The following TBC1D15 variants were observed in gnomAD, a reference collection of about 807,000 sequenced individuals.
TBC1D15 encodes GAP for RAB7.
TBC1D15 carries 39 observed loss-of-function variants against 95.4 expected under a neutral mutation model. That is an observed-to-expected ratio of 0.41 (90% confidence interval 0.32 to 0.53). The LOEUF (loss-of-function observed/expected upper bound fraction) is 0.53. TBC1D15 is among the 20% of genes least tolerant of loss of function. TBC1D15 has a pLI of 0.29. For missense variants in TBC1D15, 733 were observed against 794.3 expected, an observed-to-expected ratio of 0.92 and a Z score of 0.93; for synonymous variants, 258 against 261.3, an observed-to-expected ratio of 0.99 and a Z score of 0.12.
chr12:71,856,050 C>A (rs545535254), intron 1 of TBC1D15, among the ~76,000 whole-genome samples: 23 of 152,126 alleles, frequency 1.5e-4, no homozygotes, highest in Non-Finnish European at 2.8e-4. Context: ...TCACCCTGCC[C>A]CCATACTGCC....
chr12:71,852,681 C>T (rs1888117817), intron 1 of TBC1D15, among the ~76,000 whole-genome samples: 1 of 152,168 alleles, frequency 6.6e-6, no homozygotes, highest in Admixed American at 6.5e-5. Context: ...TCTCAAGTTC[C>T]AAGTTCCACA....
At chr12:71,856,108 C>T (rs952402242) in intron 1 of TBC1D15, among the ~76,000 whole-genome samples, 14 of 152,130 alleles carry the variant, frequency 9.2e-5, no homozygotes, top group African/African-American at 3.1e-4. Context: ...GAGCAGTTTT[C>T]GTATTCATTG....
chr12:71,844,811 A>G (rs1177108239), intron 1 of TBC1D15, among the ~76,000 whole-genome samples: 3 of 152,186 alleles, frequency 2.0e-5, no homozygotes, highest in African/African-American at 4.8e-5. Context: ...ATTACACTCT[A>G]CTATATACAT....
intron 12 of TBC1D15, among the ~76,000 whole-genome samples, chr12:71,915,973 C>T (rs1351498308): frequency 6.6e-6 from 1 of 151,998 alleles, no homozygotes; most frequent in Non-Finnish European, 1.5e-5. Context: ...TTTGTACTAC[C>T]TTTGTGGTGG....
At chr12:71,903,333 G>A (rs1407388045) in intron 10 of TBC1D15, among the ~76,000 whole-genome samples, 1 of 152,176 alleles carries the variant, frequency 6.6e-6, no homozygotes, top group Non-Finnish European at 1.5e-5. Context: ...TCTCCTACTA[G>A]TCATGATGGC....
chr12:71,868,808 A>G (rs1892046082), intron 1 of TBC1D15: 1 of 152,208 alleles, frequency 6.6e-6, no homozygotes, highest in Non-Finnish European at 1.5e-5. Flanking sequence ...TGTTAATGAT[A>G]GCAAGCTTTT....
intron 4 of TBC1D15, among the ~76,000 whole-genome samples, chr12:71,882,334 C>G (rs1895365306): frequency 6.6e-6 from 1 of 152,140 alleles, no homozygotes; most frequent in African/African-American, 2.4e-5. Flanking sequence ...ATCAGACTGT[C>G]TCATGTTTGT....
chr12:71,873,747 G>C (rs545368532), intron 3 of TBC1D15, among the ~76,000 whole-genome samples: 31 of 152,260 alleles, frequency 2.0e-4, no homozygotes, highest in African/African-American at 7.5e-4. Context: ...TTTAATTTTA[G>C]TAAACCTAGT....
intron 11 of TBC1D15, among the ~76,000 whole-genome samples, chr12:71,908,192 C>T (rs190255675): frequency 6.0e-4 from 91 of 151,824 alleles, no homozygotes; most frequent in African/African-American, 2.1e-3. Context: ...AAAGAACTGA[C>T]GGTGGAAGTA....
At chr12:71,903,620 G>T (rs1485969234) in intron 10 of TBC1D15, among the ~76,000 whole-genome samples, 1 of 152,144 alleles carries the variant, frequency 6.6e-6, no homozygotes, top group Non-Finnish European at 1.5e-5. Context: ...AATCAGCCTA[G>T]ATGCCCATCA....
At chr12:71,898,532 A>G (rs1285179575) in intron 10 of TBC1D15, among the ~76,000 whole-genome samples, 1 of 152,174 alleles carries the variant, frequency 6.6e-6, no homozygotes, top group Non-Finnish European at 1.5e-5. Flanking sequence ...TTAAAGCATT[A>G]GTTGCATTTC....
intron 1 of TBC1D15, among the ~76,000 whole-genome samples, chr12:71,861,919 T>A (rs1890463280): frequency 8.4e-6 from 1 of 119,144 alleles, no homozygotes; most frequent in East Asian, 3.2e-4. Context: ...TTTAAAAAAA[T>A]TACTTAATTT....
Position 71,894,459 on chromosome 12 carries a change from A to G in TBC1D15, c.658-227A>G, listed in dbSNP as rs202226596. The G allele has an allele frequency of 9.1e-5, 128 of 1,404,354 alleles. 1 individual carries two copies. The East Asian group carries it at 2.7e-3, about 30-fold the overall frequency. The allele number at this position is 1,404,354 out of a possible 1,614,324, so 87.0% of individuals were successfully genotyped here. ...GTTTATCTGCAATTCAATCAGTAGC[A>G]TTAACTTGTCATTTATTATGCTATT... On this transcript the variant is annotated intron_variant, in intron 6 of 16. Transcript: ENST00000485960.
chr12:71,888,129 G>A (rs1474497884), intron 5 of TBC1D15, among the ~76,000 whole-genome samples: 1 of 152,194 alleles, frequency 6.6e-6, no homozygotes, highest in African/African-American at 2.4e-5. Context: ...CATGTTTCGT[G>A]AGAGTAGCAA....
At chr12:71,875,897 A>C (rs980054408) in intron 3 of TBC1D15, among the ~76,000 whole-genome samples, 1 of 152,002 alleles carries the variant, frequency 6.6e-6, no homozygotes, top group African/African-American at 2.4e-5. Flanking sequence ...TCCTGGGTTC[A>C]AGCGATTTTT....
chr12:71,895,447 A>G (rs1463576588), intron 7 of TBC1D15, among the ~76,000 whole-genome samples: 1 of 152,098 alleles, frequency 6.6e-6, no homozygotes, highest in African/African-American at 2.4e-5. Context: ...AAAATTACCA[A>G]CATCTGTTAA....
chr12:71,905,289 T>C (rs1305883135), intron 10 of TBC1D15, among the ~76,000 whole-genome samples: 1 of 152,216 alleles, frequency 6.6e-6, no homozygotes, highest in African/African-American at 2.4e-5. Context: ...AATTAACTTA[T>C]GAACTTTATC....
chr12:71,917,675 G>T (rs773620443), intron 12 of TBC1D15, 23 bp from the exon 13 acceptor site: 2 of 1,468,134 alleles, frequency 1.4e-6, no homozygotes, highest in East Asian at 2.3e-5. Context: ...AATATTACTT[G>T]TAACAATTAT....
intron 12 of TBC1D15, among the ~76,000 whole-genome samples, chr12:71,915,589 G>C (rs1903520132): frequency 6.6e-6 from 1 of 151,944 alleles, no homozygotes; most frequent in African/African-American, 2.4e-5. Context: ...ATACAGACGT[G>C]TGTATATAGG....
Sources: allele counts gnomAD v4.1 joint callset (sites outside exome capture counted in the v4.1 genomes callset), GRCh38; gene constraint gnomAD v4.1.1; transcripts MANE v1.5; gene names NCBI Gene and HGNC (gene_info 2026-07-23, HGNC 2026-07-21).